The following CHCHD3 variants were observed in gnomAD, a reference collection of about 807,000 sequenced individuals.
The protein encoded by CHCHD3 is coiled-coil-helix-coiled-coil-helix domain containing 3.
A neutral mutation model predicts 38.2 loss-of-function variants in CHCHD3; 20 were observed. The observed-to-expected ratio is 0.52, with a 90% CI of 0.37 to 0.76. CHCHD3 has a LOEUF of 0.76. CHCHD3 is among the 30% of genes least tolerant of loss of function. The pLI, the probability that CHCHD3 is intolerant of heterozygous loss-of-function variation, is 0.00. For synonymous variants in CHCHD3, 82 were observed against 100.0 expected (o/e 0.82, Z 1.07); for missense variants, 245 against 279.2 (o/e 0.88, Z 0.87).
intron 3 of CHCHD3, among the ~76,000 whole-genome samples, chr7:132,984,715 C>T (rs986493438): frequency 6.6e-6 from 1 of 150,544 alleles, no homozygotes; most frequent in African/African-American, 2.4e-5. Context: ...CCCGGCCGCT[C>T]CGTCTGAGAA....
Position 133,024,532 on chromosome 7 carries a change from ACC to A in CHCHD3, c.251+12_251+13del. The A allele has an allele frequency of 6.3e-7, 1 of 1,594,776 alleles. No homozygotes were observed. Among genetic ancestry groups the A allele is most frequent in the Non-Finnish European group, 8.6e-7 (1 of 1,162,958 alleles). On this transcript the variant is annotated intron_variant, in intron 3 of 7. Coordinates refer to ENST00000262570, the MANE Select transcript of CHCHD3 (RefSeq NM_017812.4). Reference sequence around the variant, plus strand: ...AAACCCACCAAAACCTCTCTCTGATACCACAAAACTCACCGTTTCTGATCTTC... The same window carrying A: ...AAACCCACCAAAACCTCTCTCTGATAACAAAACTCACCGTTTCTGATCTTC...
chr7:133,006,466 CATAAATAA>C (rs1262388340), intron 3 of CHCHD3, among the ~76,000 whole-genome samples: 2 of 130,058 alleles, frequency 1.5e-5, no homozygotes, highest in African/African-American at 5.8e-5. Context: ...GACTCCGTCT[CATAAATAA>C]ATAAATAAAT....
chr7:132,921,402 A>G (rs957199339), intron 4 of CHCHD3, among the ~76,000 whole-genome samples: 1 of 152,212 alleles, frequency 6.6e-6, no homozygotes, highest in Admixed American at 6.5e-5. Flanking sequence ...AATTCCAAGT[A>G]CTGGGACAAG....
intron 2 of CHCHD3, among the ~76,000 whole-genome samples, chr7:133,034,297 T>C (rs1353418749): frequency 6.6e-6 from 1 of 152,168 alleles, no homozygotes; most frequent in East Asian, 1.9e-4. Flanking sequence ...CAGAGATTCC[T>C]TTTTGAAATT....
chr7:132,914,515 A>G (rs1810051042), intron 4 of CHCHD3, among the ~76,000 whole-genome samples: 1 of 152,226 alleles, frequency 6.6e-6, no homozygotes, highest in Non-Finnish European at 1.5e-5. Flanking sequence ...TATTTTTTCC[A>G]CAGAATGAGG....
At position 132,981,717 on chromosome 7, in the gene CHCHD3, A is replaced by G. The variant is rs144572436; in HGVS notation, c.252-6431T>C. Among the ~76,000 whole-genome samples the G allele has an allele frequency of 1.1e-4, 16 of 152,374 alleles. No individual in the cohort carries two copies. The East Asian group carries it at 2.7e-3, about 26-fold the overall frequency. On this transcript the variant is annotated intron_variant, in intron 3 of 7. Transcript: ENST00000262570. The stretch of plus-strand genomic sequence containing the variant: ...AAGTAATTCTATACAATTCTAGCTT[A>G]GAAAATTACTTTATAAATGTAATAC...
chr7:132,932,501 C>A (rs188737457), intron 4 of CHCHD3, among the ~76,000 whole-genome samples: 5 of 152,202 alleles, frequency 3.3e-5, no homozygotes, highest in Non-Finnish European at 5.9e-5. Context: ...GAAGGCACTG[C>A]TTATTGGCCT....
rs577256322 is a variant in CHCHD3 at position 132,857,750 on chromosome 7, G to A, written c.454-19281C>T. ...AGCTGAACATCTCTGGATGGGAGGG[G>A]GCACTTCCTAACAGGGGCCTGACTG... On this transcript the variant is annotated intron_variant, in intron 5 of 7. Coordinates refer to ENST00000262570, the MANE Select transcript of CHCHD3 (RefSeq NM_017812.4). Among the ~76,000 whole-genome samples, 3 of 152,230 alleles carry A rather than the reference G, an allele frequency of 2.0e-5. No homozygotes were observed. In the South Asian group the frequency reaches 6.2e-4, roughly 32 times the overall value.
At chr7:132,796,643 G>A (rs1806624582) in intron 6 of CHCHD3, 66 bp from the exon 7 acceptor site, 3 of 1,447,794 alleles carry the variant, frequency 2.1e-6, no homozygotes, top group Non-Finnish European at 2.9e-6. Flanking sequence ...CAAGGTTAAA[G>A]AACACATAAA....
At chr7:132,865,186 G>A (rs533557588) in intron 5 of CHCHD3, among the ~76,000 whole-genome samples, 54 of 152,322 alleles carry the variant, frequency 3.5e-4, no homozygotes, top group Non-Finnish European at 5.6e-4. Context: ...TGCTAAGGAT[G>A]AGGAGTGAAC....
At chr7:132,972,621 C>A in intron 4 of CHCHD3, 1 of 985,436 alleles carries the variant, frequency 1.0e-6, no homozygotes, top group Non-Finnish European at 1.2e-6. Context: ...CTAAATGTCA[C>A]TGGCAGCCAT....
At position 132,955,537 on chromosome 7, in the gene CHCHD3, T is replaced by G. The variant is rs950233882; in HGVS notation, c.369+19632A>C. Among the ~76,000 whole-genome samples the G allele has an allele frequency of 8.7e-5, 13 of 149,858 alleles. 1 individual carries two copies. In the South Asian group the frequency reaches 2.1e-3, roughly 24 times the overall value. Reference sequence around the variant, plus strand: ...TTTTTGTTTGTTTGTTTTTTGGGGTTTTTTGTTTTTTTTTTTTAATGTGAT... The same window carrying G: ...TTTTTGTTTGTTTGTTTTTTGGGGTGTTTTGTTTTTTTTTTTTAATGTGAT... On this transcript the variant is annotated intron_variant, in intron 4 of 7. Transcript: ENST00000262570.
intron 4 of CHCHD3, among the ~76,000 whole-genome samples, chr7:132,965,155 T>C (rs1342010423): frequency 1.3e-5 from 2 of 152,028 alleles, no homozygotes; most frequent in African/African-American, 2.4e-5. Flanking sequence ...GCTGCAGTAA[T>C]TTCTGCTTTG....
chr7:132,851,191 TTTTC>T, intron 5 of CHCHD3, among the ~76,000 whole-genome samples: 1 of 152,330 alleles, frequency 6.6e-6, no homozygotes, highest in South Asian at 2.1e-4. Context: ...GAGAAGATAC[TTTTC>T]TTTCTTTTAT....
rs144409976 is a variant in CHCHD3 at position 132,947,798 on chromosome 7, T to TA, written c.369+27370dup. ...ATTTTCAAATGTTAAACTCCAAATTTAAAAAAAAATCTATCAGGTAGTCAA... is the reference window on the plus strand; with the variant it reads ...ATTTTCAAATGTTAAACTCCAAATTTAAAAAAAAAATCTATCAGGTAGTCAA... On this transcript the variant is annotated intron_variant, in intron 4 of 7. Transcript: ENST00000262570. Among the ~76,000 whole-genome samples the TA allele has an allele frequency of 9.2e-3, 1,397 of 151,392 alleles. 21 individuals are homozygous for TA. The highest frequency in any genetic ancestry group is 0.032 in the African/African-American group (1,319 of 41,354).
At chr7:132,863,830 T>G (rs916423618) in intron 5 of CHCHD3, among the ~76,000 whole-genome samples, 1 of 152,220 alleles carries the variant, frequency 6.6e-6, no homozygotes, top group African/African-American at 2.4e-5. Flanking sequence ...ATGATCAACC[T>G]GTGATAGCTT....
rs182088318 is a variant in CHCHD3 at position 132,847,077 on chromosome 7, G to A, written c.454-8608C>T. Among the ~76,000 whole-genome samples the A allele has an allele frequency of 2.6e-3, 396 of 152,228 alleles. 4 individuals carry two copies. Among genetic ancestry groups the A allele is most frequent in the African/African-American group, 9.1e-3 (377 of 41,538 alleles). The stretch of plus-strand genomic sequence containing the variant: ...CTGTCTTCCCTTGTAGCCACCCCGA[G>A]CAGTTGACTTCTGTCTTCATGGTTC... On this transcript the variant is annotated intron_variant, in intron 5 of 7. Coordinates refer to ENST00000262570, the MANE Select transcript of CHCHD3 (RefSeq NM_017812.4).
At chr7:132,972,707 C>T (rs940214951) in intron 4 of CHCHD3, 6 of 985,302 alleles carry the variant, frequency 6.1e-6, no homozygotes, top group Admixed American at 6.1e-5. Flanking sequence ...AATCAGCTGT[C>T]ATCCTATGGC....
At chr7:132,905,989 T>G (rs564338417) in intron 4 of CHCHD3, among the ~76,000 whole-genome samples, 1 of 152,356 alleles carries the variant, frequency 6.6e-6, no homozygotes, top group South Asian at 2.1e-4. Flanking sequence ...GCTGAAGTGC[T>G]GGCTTGATCC....
Sources: gnomAD v4.1 joint callset for allele counts (sites outside exome capture counted in the v4.1 genomes callset) on GRCh38, gnomAD v4.1.1 for gene constraint, MANE v1.5 for transcripts, NCBI Gene and HGNC (gene_info 2026-07-23, HGNC 2026-07-21) for gene names.